Variants in CHD2 observed in about 807,000 individuals in gnomAD.
CHD2 encodes the protein ATP-dependent chromatin remodeler CHD2.
Under a neutral mutation model 243.9 loss-of-function variants are expected in CHD2, and 28 were observed. The ratio of observed to expected loss-of-function variants is 0.11; its 90% CI spans 0.09 to 0.16. The LOEUF (loss-of-function observed/expected upper bound fraction) is 0.16, where lower values mean the gene tolerates loss of function less well. CHD2 is among the 10% of genes least tolerant of loss of function. CHD2 has a pLI of 1.00. For missense variants in CHD2, 1,386 were observed against 2,209.8 expected (o/e 0.63, Z 7.47); for synonymous variants, 775 against 779.0 (o/e 0.99, Z 0.09).
Position 92,998,764 on chromosome 15 carries a change from A to G in CHD2, c.4008+143A>G. ...ATATTTTGTTTTTGAGGTTCCAGTA[A>G]TGATGCTTTGCTTGGTAATAATAGA... On this transcript the variant is annotated intron_variant, in intron 31 of 38. Transcript: ENST00000394196. The surrounding 1 kb of genome is among the most constrained non-coding windows in gnomAD (Gnocchi z 5.1). 1 of 1,077,578 alleles carries G rather than the reference A, an allele frequency of 9.3e-7. No individual in the cohort carries two copies. The allele number at this position is 1,077,578 out of a possible 1,614,324, so 66.8% of individuals were successfully genotyped here.
At chr15:93,023,803 G>A (rs1309814337) in intron 38 of CHD2, among the ~76,000 whole-genome samples, 1 of 151,476 alleles carries the variant, frequency 6.6e-6, no homozygotes, top group Admixed American at 6.6e-5. Context: ...TTGGCCATTT[G>A]TATAGCTTCT....
rs759547424 is a variant in CHD2 at position 93,014,937 on chromosome 15, G to A, written c.4906+28G>A. 4.4e-6 allele frequency: 7 copies of A among 1,586,642 alleles called. No individual in the cohort carries two copies. In the African/African-American group the frequency reaches 6.7e-5, roughly 15 times the overall value. On this transcript the variant is annotated intron_variant, in intron 37 of 38. Coordinates refer to ENST00000394196, the MANE Select transcript of CHD2 (RefSeq NM_001271.4). ...AGGTCATTAAGTGGAGTTTTTAAAA[G>A]AGGTGCCAAAAGATAAAAAATTCAC...
chr15:93,019,479 C>T (rs193130713), intron 37 of CHD2, among the ~76,000 whole-genome samples: 141 of 152,218 alleles, frequency 9.3e-4, no homozygotes, highest in Non-Finnish European at 1.6e-3. Flanking sequence ...ATTACTGATA[C>T]GTTAGCCAGC....
intron 12 of CHD2, among the ~76,000 whole-genome samples, chr15:92,948,102 A>G (rs2053499077): frequency 2.0e-5 from 3 of 152,192 alleles, no homozygotes; most frequent in Non-Finnish European, 4.4e-5. Flanking sequence ...TATGCAAACC[A>G]TAGAGACTGA....
chr15:92,909,939 CGT>C (rs57621949), intron 2 of CHD2, among the ~76,000 whole-genome samples: 1,602 of 149,168 alleles, frequency 0.011, 15 homozygotes, highest in Middle Eastern at 0.05. Flanking sequence ...AAGGGTTTTA[CGT>C]GTGTGTGTGT....
At chr15:92,904,467 C>T (rs917046103) in intron 2 of CHD2, 5 of 989,350 alleles carry the variant, frequency 5.1e-6, no homozygotes, top group South Asian at 9.1e-5. Context: ...TCTCCTCCCC[C>T]TACCCAGGGA....
Position 93,024,721 on chromosome 15 carries a change from G to GGA in CHD2, c.*22_*23dup. ...GAAAACATAAAGGACAGCTCGTAAA[G>GGA]GAGAGAGTAAGAGTCACCAAACACG... On this transcript the variant is annotated 3_prime_UTR_variant, in exon 39 of 39. Transcript: ENST00000394196. 6.3e-7 allele frequency: 1 copy of GGA among 1,593,690 alleles called. No homozygotes were observed.
chr15:92,914,057 T>A (rs941756477), intron 2 of CHD2, among the ~76,000 whole-genome samples: 1 of 152,220 alleles, frequency 6.6e-6, no homozygotes, highest in African/African-American at 2.4e-5. Flanking sequence ...CTTTGGGAGT[T>A]GCTGAAAGCA....
At chr15:92,927,089 T>TA (rs974411534) in intron 3 of CHD2, among the ~76,000 whole-genome samples, 155 bp from the exon 4 acceptor site, 2 of 152,108 alleles carry the variant, frequency 1.3e-5, no homozygotes, top group African/African-American at 2.4e-5. Context: ...ATGCCTATTT[T>TA]AAAAAAAATG....
intron 2 of CHD2, chr15:92,902,173 G>A (rs1425422991): frequency 5.0e-6 from 2 of 397,784 alleles, no homozygotes; most frequent in South Asian, 2.5e-4. Context: ...TATTTCGACA[G>A]AGTCGTCTGG....
chr15:92,988,861 A>C (rs1473944526), intron 26 of CHD2, among the ~76,000 whole-genome samples: 1 of 150,950 alleles, frequency 6.6e-6, no homozygotes, highest in Non-Finnish European at 1.5e-5. Flanking sequence ...TATTGATATC[A>C]TTTTCGACCT....
At chr15:93,007,308 T>C (rs1233001300) in intron 34 of CHD2, among the ~76,000 whole-genome samples, 1 of 152,244 alleles carries the variant, frequency 6.6e-6, no homozygotes, top group Non-Finnish European at 1.5e-5. Flanking sequence ...ATTTTAGTGG[T>C]CATTCATGTT....
In CHD2 at chr15:93,019,997, T is replaced by C. The variant is rs372145426; in HGVS notation, c.4907-15T>C. On this transcript the variant is annotated splice_polypyrimidine_tract_variant and intron_variant, in intron 37 of 38. Transcript: ENST00000394196. The stretch of plus-strand genomic sequence containing the variant: ...ATTTCTTGCAGTCATCAGATCATTC[T>C]TTCTTTTCCTGCAGATCGAGGAGAC... 1 of 1,603,944 alleles carries C rather than the reference T, an allele frequency of 6.2e-7. No individual in the cohort carries two copies. Among genetic ancestry groups the C allele is most frequent in the East Asian group, 2.2e-5 (1 of 44,636 alleles).
At chr15:92,990,404 A>C (rs924206336) in intron 26 of CHD2, among the ~76,000 whole-genome samples, 3 of 152,164 alleles carry the variant, frequency 2.0e-5, no homozygotes, top group Non-Finnish European at 4.4e-5. Flanking sequence ...CATTTGGTTA[A>C]TTTCCAGAGT....
chr15:92,939,780 G>T (rs2053327971), intron 7 of CHD2, 62 bp downstream of exon 7: 4 of 1,560,310 alleles, frequency 2.6e-6, no homozygotes, highest in Non-Finnish European at 2.6e-6. Flanking sequence ...GTTAGATTTT[G>T]GTTCTCATAA....
At chr15:92,943,139 A>G (rs2053408698) in intron 9 of CHD2, 71 bp downstream of exon 9, 7 of 1,190,684 alleles carry the variant, frequency 5.9e-6, no homozygotes, top group Non-Finnish European at 8.5e-6. Flanking sequence ...AAAATAATGC[A>G]TGGAGATCAC....
intron 27 of CHD2, among the ~76,000 whole-genome samples, chr15:92,992,249 A>G (rs979864400): frequency 2.0e-5 from 3 of 152,230 alleles, no homozygotes; most frequent in Non-Finnish European, 4.4e-5. Context: ...AGCAAGGCCA[A>G]GAAGGTCAGT....
At chr15:92,928,312 A>G (rs1431943302) in intron 4 of CHD2, among the ~76,000 whole-genome samples, 1 of 152,198 alleles carries the variant, frequency 6.6e-6, no homozygotes, top group Non-Finnish European at 1.5e-5. Context: ...AGTTGTAGAA[A>G]TCTTTCCCTC....
chr15:92,996,191 G>A (rs140378167), intron 28 of CHD2, among the ~76,000 whole-genome samples: 1,976 of 138,428 alleles, frequency 0.014, 41 homozygotes, highest in African/African-American at 0.047. Context: ...ATGGAGTCTC[G>A]CTCCATCTCC....
Sources: allele counts gnomAD v4.1 joint callset (sites outside exome capture counted in the v4.1 genomes callset), GRCh38; gene constraint gnomAD v4.1.1; non-coding constraint Gnocchi (gnomAD v3.1); transcripts MANE v1.5; gene names NCBI Gene and HGNC (gene_info 2026-07-23, HGNC 2026-07-21).